Variants in ADAMTS5 observed in about 807,000 individuals in gnomAD.
The protein encoded by ADAMTS5 is A disintegrin and metalloproteinase with thrombospondin motifs 5.
In ADAMTS5, 54 loss-of-function variants were observed where a neutral mutation model predicts 81.4. The ratio of observed to expected loss-of-function variants is 0.66; its 90% CI spans 0.53 to 0.83. The LOEUF (loss-of-function observed/expected upper bound fraction) is 0.83, where lower values mean the gene tolerates loss of function less well. Ranked by LOEUF, ADAMTS5 falls within the 40% of genes least tolerant of loss-of-function variation. The pLI is 0.00. For missense variants in ADAMTS5, 1,194 were observed against 1,229.9 expected (o/e 0.97, Z 0.44); for synonymous variants, 532 against 508.8 (o/e 1.05, Z -0.61).
intron 2 of ADAMTS5, among the ~76,000 whole-genome samples, chr21:26,945,150 GAAAA>G (rs11303368): frequency 1.4e-5 from 2 of 139,224 alleles, no homozygotes; most frequent in African/African-American, 5.3e-5. Context: ...ACAGCTCACA[GAAAA>G]AAAAAAAAAA....
chr21:26,960,732 T>C (rs573424362), intron 1 of ADAMTS5, among the ~76,000 whole-genome samples: 1 of 152,376 alleles, frequency 6.6e-6, no homozygotes, highest in Non-Finnish European at 1.5e-5. Context: ...TACGGTGGCC[T>C]GAGCAGACTA....
In ADAMTS5 at chr21:26,943,554, G is replaced by C. The variant is rs747180030; in HGVS notation, c.1238-7C>G. 1 of 1,609,876 alleles carries C rather than the reference G, an allele frequency of 6.2e-7. No individual in the cohort carries two copies. Among genetic ancestry groups the C allele is most frequent in the Non-Finnish European group, 8.5e-7 (1 of 1,177,478 alleles). ...GAGAGGCCAAGTAAATGTCCTAAGG[G>C]AGACAACAGAGGAAGTACAAATAAT... is the stretch of plus-strand genomic sequence containing the variant. On this transcript the variant is annotated splice_region_variant and splice_polypyrimidine_tract_variant and intron_variant, in intron 2 of 7. Coordinates refer to ENST00000284987, the MANE Select transcript of ADAMTS5 (RefSeq NM_007038.5).
chr21:26,963,300 A>G (rs909192387), intron 1 of ADAMTS5, among the ~76,000 whole-genome samples: 4 of 152,138 alleles, frequency 2.6e-5, no homozygotes, highest in African/African-American at 7.2e-5. Flanking sequence ...TAACTATCCA[A>G]ACAAAAAACA....
chr21:26,950,469 C>A (rs1987296544), intron 2 of ADAMTS5, among the ~76,000 whole-genome samples: 1 of 152,180 alleles, frequency 6.6e-6, no homozygotes, highest in Non-Finnish European at 1.5e-5. Context: ...ACTCGAGGAA[C>A]ATGGATGGGG....
intron 6 of ADAMTS5, among the ~76,000 whole-genome samples, chr21:26,930,748 CAT>C (rs1986892340): frequency 6.6e-6 from 1 of 151,996 alleles, no homozygotes; most frequent in African/African-American, 2.4e-5. Context: ...TATATACACT[CAT>C]ATATATAAAT....
intron 1 of ADAMTS5, among the ~76,000 whole-genome samples, chr21:26,955,920 G>T (rs1285256512): frequency 6.6e-6 from 1 of 152,080 alleles, no homozygotes; most frequent in East Asian, 1.9e-4. Flanking sequence ...AAAGACAACT[G>T]TTTATTGGTT....
At position 26,920,658 on chromosome 21, in the gene ADAMTS5, G is replaced by A. The variant is rs1324293036; in HGVS notation, c.*3395C>T. ...GTTTCTCGATGAAGTGAAAGGATCT[G>A]ATTATTGGCTGTGTCTTAGCGTCTG... On this transcript the variant is annotated 3_prime_UTR_variant, in exon 8 of 8. Transcript: ENST00000284987. 2 of 152,068 alleles carry A rather than the reference G, an allele frequency of 1.3e-5. No homozygotes were observed. The highest frequency in any genetic ancestry group is 6.6e-5 in the Admixed American group (1 of 15,254). The allele number at this position is 152,068 out of a possible 1,614,324, so 9.4% of individuals were successfully genotyped here. A position where few individuals can be genotyped will look rare whatever the true frequency, so the allele number is the denominator to read the frequency against.
At chr21:26,964,186 G>A (rs1987588712) in intron 1 of ADAMTS5, among the ~76,000 whole-genome samples, 2 of 152,146 alleles carry the variant, frequency 1.3e-5, no homozygotes, top group Non-Finnish European at 1.5e-5. Context: ...AGCTTTAGAA[G>A]TCAATTCTTA....
intron 3 of ADAMTS5, among the ~76,000 whole-genome samples, chr21:26,936,857 T>C (rs1987022563): frequency 6.6e-6 from 1 of 152,194 alleles, no homozygotes; most frequent in Admixed American, 6.5e-5. Flanking sequence ...AACATTATCT[T>C]CATTGCAGAA....
chr21:26,932,410 G>A lies in ADAMTS5; in HGVS notation c.1874-231C>T, dbSNP rs115283604. ...ATAATAAAACTTAAAAATCACATAT[G>A]TGGCTGGGCGTGGTGCCTCATGCCT... On this transcript the variant is annotated intron_variant, in intron 5 of 7. Transcript: ENST00000284987. 3.6e-3 allele frequency among the ~76,000 whole-genome samples: 553 copies of A among 152,106 alleles called. 3 individuals carry two copies. The highest frequency in any genetic ancestry group is 0.013 in the African/African-American group (545 of 41,496).
intron 3 of ADAMTS5, among the ~76,000 whole-genome samples, chr21:26,942,897 G>A (rs1444051683): frequency 1.3e-5 from 2 of 152,128 alleles, no homozygotes; most frequent in Non-Finnish European, 1.5e-5. Context: ...AATTCTTCTA[G>A]TCAGTGCAAA....
intron 1 of ADAMTS5, among the ~76,000 whole-genome samples, chr21:26,958,376 C>G (rs1314768929): frequency 6.6e-6 from 1 of 152,162 alleles, no homozygotes; most frequent in Non-Finnish European, 1.5e-5. Context: ...CACACACACA[C>G]AAACGCATGC....
chr21:26,951,169 A>G lies in ADAMTS5; in HGVS notation c.1237+3570T>C, dbSNP rs1477454514. Among the ~76,000 whole-genome samples the G allele has an allele frequency of 4.6e-5, 7 of 152,346 alleles. No individual in the cohort carries two copies. In the East Asian group the frequency reaches 1.2e-3, roughly 25 times the overall value. On this transcript the variant is annotated intron_variant, in intron 2 of 7. Coordinates refer to ENST00000284987, the MANE Select transcript of ADAMTS5 (RefSeq NM_007038.5). ...AAACCACTGTGAAGAGAAAGAGGAA[A>G]CAGTTGTGCGTTTCCACGAGAACCT...
In ADAMTS5 at chr21:26,966,567, C is replaced by G; in HGVS notation, c.-176G>C. The stretch of plus-strand genomic sequence containing the variant: ...CGCCAGCCTGTCCGGGCTGCGGTGC[C>G]AGCGTGCGAACTTTTCTTTGTTGCT... On this transcript the variant is annotated 5_prime_UTR_variant, in exon 1 of 8. Coordinates refer to ENST00000284987, the MANE Select transcript of ADAMTS5 (RefSeq NM_007038.5). 2.4e-6 allele frequency: 1 copy of G among 417,586 alleles called. No homozygotes were observed. The highest frequency in any genetic ancestry group is 3.7e-6 in the Non-Finnish European group (1 of 270,392). The allele number at this position is 417,586 out of a possible 1,614,324, so 25.9% of individuals were successfully genotyped here. A position where few individuals can be genotyped will look rare whatever the true frequency, so the allele number is the denominator to read the frequency against.
Position 26,966,443 on chromosome 21 carries a change from G to T in ADAMTS5, c.-52C>A, listed in dbSNP as rs1161609578. The T allele has an allele frequency of 1.2e-5, 17 of 1,396,004 alleles. No homozygotes were observed. The highest frequency in any genetic ancestry group is 6.9e-5 in the Admixed American group (2 of 29,144). The allele number at this position is 1,396,004 out of a possible 1,614,324, so 86.5% of individuals were successfully genotyped here. A position where few individuals can be genotyped will look rare whatever the true frequency, so the allele number is the denominator to read the frequency against. ...CGCGACTGGGACTTTATGGGTATTT[G>T]TTATTTGCTATGAAGTTAACGGGGC... On this transcript the variant is annotated 5_prime_UTR_variant, in exon 1 of 8. Transcript: ENST00000284987.
chr21:26,965,168 G>A, intron 1 of ADAMTS5, 120 bp downstream of exon 1: 2 of 1,379,662 alleles, frequency 1.4e-6, no homozygotes, highest in Non-Finnish European at 2.0e-6. Flanking sequence ...CCTGCAAGAA[G>A]CAGTTAAACA....
rs561638595 is a variant in ADAMTS5, at chr21:26,934,832, C to A, written c.1406-83G>T. 1.9e-6 allele frequency: 3 copies of A among 1,543,770 alleles called. No individual in the cohort carries two copies. In the African/African-American group the frequency reaches 4.1e-5, roughly 21 times the overall value. ...TCATGGATCTAAAAATGAAATGCCC[C>A]GGCTGGTGTTGGAGCACGAGGCACC... On this transcript the variant is annotated intron_variant, in intron 3 of 7. Transcript: ENST00000284987.
Position 26,965,684 on chromosome 21 carries a change from C to T in ADAMTS5, c.708G>A (p.Ser236=). ...SNPSGRAALA[S]QLLDQSALSP... is the part of the protein sequence containing the mutation. ...AGAGAGCGGACTGGTCCAAGAGCTGCGAGGCCAGTGCTGCGCGTCCGCTCG... is the reference window on the plus strand; with the variant it reads ...AGAGAGCGGACTGGTCCAAGAGCTGTGAGGCCAGTGCTGCGCGTCCGCTCG... Residue 236 remains serine (S), a synonymous_variant, in exon 1 of 8, where the codon TCG becomes TCA. Transcript: ENST00000284987. 3 of 1,584,670 alleles carry T rather than the reference C, an allele frequency of 1.9e-6. No individual in the cohort carries two copies. The highest frequency in any genetic ancestry group is 2.3e-5 in the East Asian group (1 of 43,046).
intron 3 of ADAMTS5, among the ~76,000 whole-genome samples, chr21:26,940,776 A>G (rs1186073333): frequency 4.6e-5 from 7 of 152,096 alleles, no homozygotes; most frequent in African/African-American, 1.2e-4. Flanking sequence ...TTATTCTATC[A>G]TCTTGGACTG....
Sources: allele counts gnomAD v4.1 joint callset (sites outside exome capture counted in the v4.1 genomes callset), GRCh38; gene constraint gnomAD v4.1.1; transcripts MANE v1.5; gene names NCBI Gene and HGNC (gene_info 2026-07-23, HGNC 2026-07-21).